The following BLTP3A variants were observed in gnomAD, a reference collection of about 807,000 sequenced individuals.
BLTP3A encodes the protein bridge-like lipid transfer protein family member 3A, also known as ICBP90 binding protein 1.
At chr6:34,867,149 T>C in the BLTP3A span, 4 of 1,440,434 alleles carry the variant, frequency 2.8e-6, no homozygotes, top group South Asian at 4.4e-5. Context: ...ATTTTTACAG[T>C]TGTCATTGTT....
chr6:34,836,789 T>C, the BLTP3A span, among the ~76,000 whole-genome samples: 1 of 152,330 alleles, frequency 6.6e-6, no homozygotes, highest in East Asian at 1.9e-4. Context: ...TTTAAATATT[T>C]ATTGTGTGTA....
chr6:34,849,284 C>T, the BLTP3A span, among the ~76,000 whole-genome samples: 1 of 152,052 alleles, frequency 6.6e-6, no homozygotes, highest in Non-Finnish European at 1.5e-5. Context: ...TGCACCACCA[C>T]AACTGGCTAA....
the BLTP3A span, among the ~76,000 whole-genome samples, chr6:34,802,838 G>T: frequency 6.6e-6 from 1 of 151,708 alleles, no homozygotes; most frequent in South Asian, 2.1e-4. Context: ...TACTTTTTTT[G>T]AAATCATGTG....
the BLTP3A span, chr6:34,867,295 C>T: frequency 1.9e-6 from 3 of 1,614,084 alleles, no homozygotes; most frequent in Non-Finnish European, 2.5e-6. Context: ...TTCAAGGGAG[C>T]CCTCTTGTGA....
the BLTP3A span, chr6:34,858,553 C>T: frequency 1.9e-6 from 3 of 1,614,056 alleles, no homozygotes; most frequent in Non-Finnish European, 2.5e-6. Context: ...CCTACCCCTC[C>T]GCTGGCAGCA....
chr6:34,811,514 T>G, the BLTP3A span, among the ~76,000 whole-genome samples: 1 of 151,992 alleles, frequency 6.6e-6, no homozygotes, highest in South Asian at 2.1e-4. Flanking sequence ...TGGGAGGATC[T>G]CCTGAGTCCA....
At chr6:34,872,045 G>C in the BLTP3A span, 1 of 1,029,584 alleles carries the variant, frequency 9.7e-7, no homozygotes, top group Non-Finnish European at 1.4e-6. Context: ...TGGGTGTTTT[G>C]GGTTCCTGTC....
At chr6:34,796,946 G>A in the BLTP3A span, among the ~76,000 whole-genome samples, 1 of 152,126 alleles carries the variant, frequency 6.6e-6, no homozygotes, top group Non-Finnish European at 1.5e-5. Flanking sequence ...CTGGTGATCC[G>A]CCTGCCTTGG....
the BLTP3A span, chr6:34,856,393 C>T: frequency 1.2e-6 from 2 of 1,614,010 alleles, no homozygotes; most frequent in Non-Finnish European, 1.7e-6. Flanking sequence ...TAGACTCTCT[C>T]TTTCGGAGAA....
At chr6:34,873,160 C>G in the BLTP3A span, 1 of 152,196 alleles carries the variant, frequency 6.6e-6, no homozygotes, top group African/African-American at 2.4e-5. Flanking sequence ...TCTTTCCCCT[C>G]TATAATACAA....
chr6:34,821,323 T>G, the BLTP3A span: 1 of 193,728 alleles, frequency 5.2e-6, no homozygotes, highest in Admixed American at 5.5e-5. Context: ...CTACAGCTAT[T>G]GCCCCAGAAT....
the BLTP3A span, chr6:34,822,083 T>C: frequency 8.8e-7 from 1 of 1,140,332 alleles, no homozygotes; most frequent in East Asian, 2.4e-5. Flanking sequence ...CCCTGTGAGC[T>C]TCTCTCTGAG....
At chr6:34,793,205 C>G in the BLTP3A span, among the ~76,000 whole-genome samples, 1 of 152,166 alleles carries the variant, frequency 6.6e-6, no homozygotes, top group African/African-American at 2.4e-5. Flanking sequence ...ACTGCTGAAC[C>G]CCGTGTTGCG....
At chr6:34,870,790 T>C in the BLTP3A span, 1 of 1,561,492 alleles carries the variant, frequency 6.4e-7, no homozygotes, top group South Asian at 1.2e-5. Flanking sequence ...AATATTGGTA[T>C]ATAAGGTGCC....
At chr6:34,838,622 C>G in the BLTP3A span, among the ~76,000 whole-genome samples, 25 of 152,340 alleles carry the variant, frequency 1.6e-4, no homozygotes, top group East Asian at 4.4e-3. Flanking sequence ...ATTGTCACTT[C>G]TTTTCCCTCA....
chr6:34,836,003 G>T, the BLTP3A span, among the ~76,000 whole-genome samples: 2 of 152,150 alleles, frequency 1.3e-5, no homozygotes, highest in East Asian at 3.9e-4. Context: ...TAATTGAAAC[G>T]GACCTAAGTG....
At chr6:34,839,914 G>A in the BLTP3A span, among the ~76,000 whole-genome samples, 1 of 152,254 alleles carries the variant, frequency 6.6e-6, no homozygotes, top group Non-Finnish European at 1.5e-5. Flanking sequence ...GCCAGCGCCT[G>A]TACAAGAGCT....
chr6:34,822,943 C>CCAGGAT, the BLTP3A span, among the ~76,000 whole-genome samples: 1 of 151,908 alleles, frequency 6.6e-6, no homozygotes, highest in African/African-American at 2.4e-5. Flanking sequence ...ATCTTTATCC[C>CCAGGAT]AAAAACTGGA....
At chr6:34,868,152 A>G in the BLTP3A span, among the ~76,000 whole-genome samples, 1 of 151,878 alleles carries the variant, frequency 6.6e-6, no homozygotes, top group African/African-American at 2.4e-5. Flanking sequence ...ACTAAAATAT[A>G]AAAATTAGCT....
Sources: gnomAD v4.1 joint callset for allele counts (sites outside exome capture counted in the v4.1 genomes callset) on GRCh38, gnomAD v4.1.1 for gene constraint, MANE v1.5 for transcripts, NCBI Gene and HGNC (gene_info 2026-07-23, HGNC 2026-07-21) for gene names.